The following TMED2 variants were observed in gnomAD, a reference collection of about 807,000 sequenced individuals.
TMED2 encodes the protein transmembrane emp24 domain-containing protein 2.
TMED2 carries 3 observed loss-of-function variants against 17.5 expected under a neutral mutation model. That is an observed-to-expected ratio of 0.17 (90% CI 0.08 to 0.44). TMED2 has a LOEUF of 0.44. TMED2 is among the 20% of genes least tolerant of loss of function. The pLI, the probability that TMED2 is intolerant of heterozygous loss-of-function variation, is 0.99. For synonymous variants in TMED2, 95 were observed against 91.0 expected, an observed-to-expected ratio of 1.04 and a Z score of -0.25; for missense variants, 149 against 254.8, an observed-to-expected ratio of 0.58 and a Z score of 2.83.
At position 123,584,587 on chromosome 12, in the gene TMED2, GC is replaced by G. The variant is rs1886299465; in HGVS notation, c.-49del. The G allele has an allele frequency of 5.1e-6, 8 of 1,576,648 alleles. No homozygotes were observed. The highest frequency in any genetic ancestry group is 6.9e-6 in the Non-Finnish European group (8 of 1,167,084). On this transcript the variant is annotated 5_prime_UTR_variant, in exon 1 of 4. Coordinates refer to ENST00000262225, the MANE Select transcript of TMED2 (RefSeq NM_006815.4). Reference sequence around the variant, plus strand: ...CGGGGCGGCGGCGGCGGCGGCGGCGGCGGCTGTGGAGGCCGCAGTCCGGGTC... The same window carrying G: ...CGGGGCGGCGGCGGCGGCGGCGGCGGGGCTGTGGAGGCCGCAGTCCGGGTC...
chr12:123,589,722 T>G (rs1261470560), intron 2 of TMED2, among the ~76,000 whole-genome samples: 1 of 151,996 alleles, frequency 6.6e-6, no homozygotes, highest in Non-Finnish European at 1.5e-5. Context: ...AGGCCTTCTC[T>G]GAGGATTTTG....
chr12:123,585,416 C>T (rs1886323611), intron 1 of TMED2: 1 of 152,564 alleles, frequency 6.6e-6, no homozygotes, highest in Non-Finnish European at 1.5e-5. Context: ...GGAGTTGGGT[C>T]ATGCGTTTTA....
intron 1 of TMED2, among the ~76,000 whole-genome samples, chr12:123,585,381 A>C (rs1265223229): frequency 1.3e-5 from 2 of 152,206 alleles, no homozygotes; most frequent in African/African-American, 4.8e-5. Flanking sequence ...TACCTCGTTT[A>C]GTCTCTTCTG....
At chr12:123,584,996 C>T in intron 1 of TMED2, 180 bp downstream of exon 1, 2 of 735,872 alleles carry the variant, frequency 2.7e-6, no homozygotes, top group Non-Finnish European at 2.1e-6. Context: ...CTAACGGCCC[C>T]TTTTCCCGCG....
Position 123,584,739 on chromosome 12 carries a change from G to A in TMED2, c.103G>A (p.Glu35Lys), listed in dbSNP as rs1256868759. 1.3e-5 allele frequency: 21 copies of A among 1,613,658 alleles called. No homozygotes were observed. The highest frequency in any genetic ancestry group is 1.7e-5 in the Non-Finnish European group (20 of 1,179,908). The change falls in exon 1 of 4, where the codon GAG becomes AAG. Residue 35 changes from glutamate (E) to lysine (K), a missense_variant. Physicochemically the swap from Glu to Lys is moderately conservative, Grantham distance 56. Transcript: ENST00000262225. ...CGCCCATGCTGAAGAGTGCTTCTTTGAGCGGGTCACCTCGGGCACCAAGAT... is the reference window on the plus strand; with the variant it reads ...CGCCCATGCTGAAGAGTGCTTCTTTAAGCGGGTCACCTCGGGCACCAAGAT... ...IDAHAEECFFERVTSGTKMGL... is the reference protein window; with the variant it reads ...IDAHAEECFFKRVTSGTKMGL...
intron 3 of TMED2, among the ~76,000 whole-genome samples, chr12:123,594,186 G>A (rs1953413336): frequency 2.0e-5 from 3 of 150,536 alleles, no homozygotes; most frequent in Non-Finnish European, 4.4e-5. Flanking sequence ...CCAGGCAGGA[G>A]TGCAGTGGTG....
chr12:123,595,889 T>C (rs145311641), intron 3 of TMED2, among the ~76,000 whole-genome samples: 2 of 152,276 alleles, frequency 1.3e-5, no homozygotes, highest in East Asian at 3.9e-4. Context: ...ATTAGTCAAA[T>C]GGGCTGGTGC....
intron 2 of TMED2, among the ~76,000 whole-genome samples, chr12:123,588,590 T>C (rs956833598): frequency 6.6e-6 from 1 of 152,246 alleles, no homozygotes; most frequent in Admixed American, 6.5e-5. Context: ...ATTCTTGCTT[T>C]TGCTTGTTAA....
rs7965713 is a variant in TMED2 at position 123,591,639 on chromosome 12, G to A, written c.481+1190G>A. 5.5e-3 allele frequency among the ~76,000 whole-genome samples: 830 copies of A among 152,222 alleles called. 7 individuals are homozygous for A. The highest frequency in any genetic ancestry group is 0.019 in the African/African-American group (779 of 41,528). ...TCTACTAAAACTACAAAAATTAGCC[G>A]GGCATGGTGGCACGCGCCTGTAGTC... On this transcript the variant is annotated intron_variant, in intron 3 of 3. Transcript: ENST00000262225.
At chr12:123,591,326 G>C (rs1428871800) in intron 3 of TMED2, among the ~76,000 whole-genome samples, 1 of 152,180 alleles carries the variant, frequency 6.6e-6, no homozygotes, top group African/African-American at 2.4e-5. Flanking sequence ...TCTTGTGTTA[G>C]GTTGCAAAAG....
At chr12:123,592,075 C>A (rs55920625) in intron 3 of TMED2, among the ~76,000 whole-genome samples, 5,439 of 152,268 alleles carry the variant, frequency 0.036, 131 homozygotes, top group South Asian at 0.068. Flanking sequence ...CTTGTGTTGG[C>A]AGGAAGGTGT....
intron 3 of TMED2, among the ~76,000 whole-genome samples, chr12:123,590,663 A>G (rs955858465): frequency 1.3e-5 from 2 of 152,212 alleles, no homozygotes; most frequent in African/African-American, 4.8e-5. Flanking sequence ...AGAAAATGCT[A>G]TTAAGATTTA....
chr12:123,586,954 C>T lies in TMED2; in HGVS notation c.373+15C>T. The T allele has an allele frequency of 6.4e-7, 1 of 1,570,630 alleles. No individual in the cohort carries two copies. Among genetic ancestry groups the T allele is most frequent in the Non-Finnish European group, 8.6e-7 (1 of 1,156,150 alleles). ...GGAAACAGAAGGTGAGATGAACATT[C>T]AGAAGATTTACATCACATTCCAAGA... On this transcript the variant is annotated intron_variant, in intron 2 of 3. Transcript: ENST00000262225.
intron 1 of TMED2, 106 bp from the exon 2 acceptor site, chr12:123,586,641 T>C (rs1953348108): frequency 2.5e-6 from 3 of 1,214,356 alleles, no homozygotes; most frequent in Non-Finnish European, 3.3e-6. Flanking sequence ...TGAGCCACCA[T>C]GCCCAGCCAT....
chr12:123,591,504 C>G (rs1294124006), intron 3 of TMED2, among the ~76,000 whole-genome samples: 4 of 152,136 alleles, frequency 2.6e-5, no homozygotes, highest in Admixed American at 1.3e-4. Context: ...AGCAAGGTGG[C>G]TGGGGGCAGT....
At chr12:123,587,703 T>G in intron 2 of TMED2, 1 of 1,220,914 alleles carries the variant, frequency 8.2e-7, no homozygotes, top group Non-Finnish European at 1.0e-6. Flanking sequence ...TCTGCTTTCT[T>G]TTTTCTAACC....
intron 3 of TMED2, among the ~76,000 whole-genome samples, chr12:123,590,982 CAG>C (rs1953388308): frequency 7.2e-6 from 1 of 138,772 alleles, no homozygotes; most frequent in Non-Finnish European, 1.5e-5. Context: ...GACTCTGTCT[CAG>C]GGAAAAAAAA....
Position 123,584,665 on chromosome 12 carries a change from T to C in TMED2, c.29T>C (p.Leu10Pro), listed in dbSNP as rs754658176. Residue 10 changes from leucine to proline, a missense_variant, in exon 1 of 4, where the codon CTT becomes CCT. By Grantham distance (98) the Leu-to-Pro change is moderately conservative. Transcript: ENST00000262225. MVTLAELLV[L>P]LAALLATVSG... ...GTGACGCTTGCTGAACTGCTGGTGC[T>C]TCTGGCCGCTCTCCTGGCCACGGTC... 7 of 1,611,910 alleles carry C rather than the reference T, an allele frequency of 4.3e-6. No individual in the cohort carries two copies. The highest frequency in any genetic ancestry group is 5.1e-6 in the Non-Finnish European group (6 of 1,179,012).
rs778706736 is a variant in TMED2, at chr12:123,584,606, T to G, written c.-31T>G. The stretch of plus-strand genomic sequence containing the variant: ...GCGGCGGCGGCTGTGGAGGCCGCAG[T>G]CCGGGTCCTGGCTTCGGCCTCAGCC... On this transcript the variant is annotated 5_prime_UTR_variant, in exon 1 of 4. Coordinates refer to ENST00000262225, the MANE Select transcript of TMED2 (RefSeq NM_006815.4). The G allele has an allele frequency of 1.4e-5, 22 of 1,596,642 alleles. No homozygotes were observed. Among genetic ancestry groups the G allele is most frequent in the Non-Finnish European group, 1.9e-5 (22 of 1,175,464 alleles).
Sources: gnomAD v4.1 joint callset for allele counts (sites outside exome capture counted in the v4.1 genomes callset) on GRCh38, gnomAD v4.1.1 for gene constraint, MANE v1.5 for transcripts, NCBI Gene and HGNC (gene_info 2026-07-23, HGNC 2026-07-21) for gene names.